The following CTNNA3 variants were observed in gnomAD, a reference collection of about 807,000 sequenced individuals.
CTNNA3 encodes catenin alpha-3.
In CTNNA3, 76 loss-of-function variants were observed where a neutral mutation model predicts 95.7. That is an observed-to-expected ratio of 0.79 (90% CI 0.66 to 0.96). The LOEUF (loss-of-function observed/expected upper bound fraction) is 0.96, where lower values mean the gene tolerates loss of function less well. Among genes scored for constraint, CTNNA3 ranks in the 40% least tolerant of loss-of-function variants. The pLI, the probability that CTNNA3 is intolerant of heterozygous loss-of-function variation, is 0.00. For synonymous variants in CTNNA3, 431 were observed against 374.4 expected, an observed-to-expected ratio of 1.15 and a Z score of -1.74; for missense variants, 1,191 against 1,089.8, an observed-to-expected ratio of 1.09 and a Z score of -1.31.
intron 7 of CTNNA3, among the ~76,000 whole-genome samples, chr10:66,890,775 T>C (rs1845237714): frequency 6.6e-6 from 1 of 152,026 alleles, no homozygotes; most frequent in Admixed American, 6.6e-5. Flanking sequence ...TTTTGAAAAA[T>C]CTTGGTGAAC....
intron 9 of CTNNA3, among the ~76,000 whole-genome samples, chr10:66,739,801 G>T (rs7092856): frequency 0.59 from 89,158 of 152,096 alleles, 26,514 homozygotes; most frequent in East Asian, 0.74. Flanking sequence ...GGAAAGTACA[G>T]TTGTGTGTTT....
At chr10:67,704,914 C>T (rs1441891599) in intron 1 of CTNNA3, among the ~76,000 whole-genome samples, 8 of 151,704 alleles carry the variant, frequency 5.3e-5, no homozygotes, top group Non-Finnish European at 7.4e-5. Context: ...CTACAATGAA[C>T]TCAAACAAAT....
At chr10:66,936,918 T>C (rs974911439) in intron 7 of CTNNA3, among the ~76,000 whole-genome samples, 1 of 152,142 alleles carries the variant, frequency 6.6e-6, no homozygotes, top group Non-Finnish European at 1.5e-5. Context: ...AGAGCAGGCA[T>C]AGCCAGCAGG....
At chr10:66,853,290 G>A (rs984319645) in intron 7 of CTNNA3, among the ~76,000 whole-genome samples, 7 of 151,884 alleles carry the variant, frequency 4.6e-5, no homozygotes, top group Non-Finnish European at 7.4e-5. Flanking sequence ...TATCCGGCCC[G>A]TTAGAGAAAA....
chr10:66,408,363 C>A (rs2093074246), intron 11 of CTNNA3, among the ~76,000 whole-genome samples: 1 of 151,826 alleles, frequency 6.6e-6, no homozygotes, highest in South Asian at 2.1e-4. Context: ...AATTATAGTT[C>A]ATTAAACCAT....
chr10:67,328,274 A>G (rs1453971832), intron 5 of CTNNA3, among the ~76,000 whole-genome samples: 1 of 152,142 alleles, frequency 6.6e-6, no homozygotes, highest in Non-Finnish European at 1.5e-5. Context: ...CTGCCAGTGC[A>G]GAAGCTATGG....
At chr10:67,089,541 G>T (rs1429797362) in intron 7 of CTNNA3, among the ~76,000 whole-genome samples, 1 of 151,898 alleles carries the variant, frequency 6.6e-6, no homozygotes, top group Non-Finnish European at 1.5e-5. Context: ...CTCTGTGGGG[G>T]AGTCTATAAA....
Position 66,231,115 on chromosome 10 carries a change from C to T in CTNNA3, c.1884+49355G>A, listed in dbSNP as rs139884614. Among the ~76,000 whole-genome samples, 334 of 152,226 alleles carry T rather than the reference C, an allele frequency of 2.2e-3. 1 individual carries two copies. The highest frequency in any genetic ancestry group is 7.6e-3 in the African/African-American group (314 of 41,540). On this transcript the variant is annotated intron_variant, in intron 13 of 17. Coordinates refer to ENST00000433211, the MANE Select transcript of CTNNA3 (RefSeq NM_013266.4). ...TGGGACAATGCAGTTGCATGGACTC[C>T]AGGCAGCTCTCTATACTTGACTCAG... is the stretch of plus-strand genomic sequence containing the variant.
At chr10:66,036,874 T>A (rs958401915) in intron 15 of CTNNA3, among the ~76,000 whole-genome samples, 2,553 of 136,482 alleles carry the variant, frequency 0.019, 36 homozygotes, top group African/African-American at 0.039. Context: ...TTTTTTTTTT[T>A]TTTTTTTTTT....
chr10:67,506,182 T>C (rs1040362732), intron 5 of CTNNA3, among the ~76,000 whole-genome samples: 2 of 152,236 alleles, frequency 1.3e-5, no homozygotes, highest in African/African-American at 4.8e-5. Flanking sequence ...TTCTGTCATT[T>C]GAAACTAGAG....
intron 7 of CTNNA3, among the ~76,000 whole-genome samples, chr10:66,806,141 G>A (rs915816370): frequency 7.3e-5 from 11 of 151,570 alleles, no homozygotes; most frequent in African/African-American, 2.2e-4. Context: ...AGTGCTTTAG[G>A]GAAATAAAGA....
intron 5 of CTNNA3, among the ~76,000 whole-genome samples, chr10:67,293,328 T>C (rs1839909097): frequency 6.6e-6 from 1 of 152,190 alleles, no homozygotes; most frequent in African/African-American, 2.4e-5. Flanking sequence ...CATCCATGAA[T>C]GTCAATTTCT....
intron 5 of CTNNA3, among the ~76,000 whole-genome samples, chr10:67,293,670 C>CT (rs1418914009): frequency 1.7e-5 from 2 of 119,386 alleles, no homozygotes; most frequent in African/African-American, 6.7e-5. Context: ...CTCCCCCTCC[C>CT]CCCACCCCAC....
rs187891928 is a variant in CTNNA3 at position 66,902,903 on chromosome 10, A to G, written c.1048-127379T>C. The stretch of plus-strand genomic sequence containing the variant: ...AATAATTAATAGCATACCAACGAAA[A>G]AAGTCCAGGACCAGACAGATTCACA... On this transcript the variant is annotated intron_variant, in intron 7 of 17. Transcript: ENST00000433211. Among the ~76,000 whole-genome samples the G allele has an allele frequency of 9.9e-3, 1,339 of 135,076 alleles. 22 individuals are homozygous for G. The highest frequency in any genetic ancestry group is 0.031 in the African/African-American group (1,262 of 40,828). The allele number at this position is 135,076 out of a possible 152,430, so 88.6% of individuals were successfully genotyped here. A position where few individuals can be genotyped will look rare whatever the true frequency, so the allele number is the denominator to read the frequency against.
At chr10:66,913,717 A>C (rs1846340878) in intron 7 of CTNNA3, among the ~76,000 whole-genome samples, 1 of 152,152 alleles carries the variant, frequency 6.6e-6, no homozygotes, top group South Asian at 2.1e-4. Flanking sequence ...GGGGTCACAA[A>C]AAAGATGGGG....
Position 67,539,083 on chromosome 10 carries a change from A to G in CTNNA3, c.459+420T>C, listed in dbSNP as rs866382551. On this transcript the variant is annotated intron_variant, in intron 4 of 17. Coordinates refer to ENST00000433211, the MANE Select transcript of CTNNA3 (RefSeq NM_013266.4). The stretch of plus-strand genomic sequence containing the variant: ...ACTCTTTATCCTGAATCAAGAGGAC[A>G]TGGCAAAGTAGAATTCATTTACAAA... Among the ~76,000 whole-genome samples the G allele has an allele frequency of 1.1e-4, 17 of 152,348 alleles. No homozygotes were observed. In the Middle Eastern group the frequency reaches 0.017, roughly 152 times the overall value.
chr10:66,878,679 T>C (rs936843533), intron 7 of CTNNA3, among the ~76,000 whole-genome samples: 2 of 152,016 alleles, frequency 1.3e-5, no homozygotes, highest in Non-Finnish European at 1.5e-5. Flanking sequence ...CAATAAACCA[T>C]CTCTCTCATA....
chr10:66,214,217 A>T (rs1175196151), intron 13 of CTNNA3, among the ~76,000 whole-genome samples: 1 of 152,196 alleles, frequency 6.6e-6, no homozygotes, highest in Non-Finnish European at 1.5e-5. Context: ...ACAAAGGAAA[A>T]GGTGCCCATT....
chr10:66,535,381 C>T (rs1234136059), intron 10 of CTNNA3, among the ~76,000 whole-genome samples: 1 of 152,100 alleles, frequency 6.6e-6, no homozygotes, highest in African/African-American at 2.4e-5. Context: ...TAATTACAGA[C>T]TTTAATTCAA....
Sources: gnomAD v4.1 joint callset for allele counts (sites outside exome capture counted in the v4.1 genomes callset) on GRCh38, gnomAD v4.1.1 for gene constraint, MANE v1.5 for transcripts, NCBI Gene and HGNC (gene_info 2026-07-23, HGNC 2026-07-21) for gene names.